The following ST3GAL5 variants were observed in gnomAD, a reference collection of about 807,000 sequenced individuals.
ST3GAL5 encodes ST3 beta-galactoside alpha-2,3-sialyltransferase 5.
Under a neutral mutation model 46.1 loss-of-function variants are expected in ST3GAL5, and 25 were observed. The observed-to-expected ratio is 0.54, with a 90% CI of 0.40 to 0.76. ST3GAL5 has a LOEUF of 0.76. ST3GAL5 is among the 30% of genes least tolerant of loss of function. ST3GAL5 has a pLI of 0.00. For synonymous variants in ST3GAL5, 182 were observed against 192.7 expected (o/e 0.94, Z 0.46); for missense variants, 431 against 521.2 (o/e 0.83, Z 1.69).
chr2:85,874,844 A>G (rs1436047441), intron 1 of ST3GAL5, among the ~76,000 whole-genome samples: 1 of 151,492 alleles, frequency 6.6e-6, no homozygotes, highest in Non-Finnish European at 1.5e-5. Context: ...CACGGTCCTA[A>G]CAAGAGACCA....
chr2:85,869,890 G>C (rs879672210), intron 1 of ST3GAL5, among the ~76,000 whole-genome samples: 1 of 152,174 alleles, frequency 6.6e-6, no homozygotes, highest in Non-Finnish European at 1.5e-5. Context: ...TTCAGCTAGA[G>C]ACACAGGGTG....
intron 1 of ST3GAL5, among the ~76,000 whole-genome samples, chr2:85,883,822 A>T (rs1687463013): frequency 1.3e-5 from 2 of 152,200 alleles, no homozygotes; most frequent in Non-Finnish European, 2.9e-5. Flanking sequence ...ACCTCTCTCG[A>T]GGCTGGACTG....
chr2:85,840,060 T>C lies in ST3GAL5; in HGVS notation c.*84A>G. 1.9e-6 allele frequency: 3 copies of C among 1,602,278 alleles called. No individual in the cohort carries two copies. Among genetic ancestry groups the C allele is most frequent in the Non-Finnish European group, 2.6e-6 (3 of 1,171,028 alleles). On this transcript the variant is annotated 3_prime_UTR_variant, in exon 7 of 7. Transcript: ENST00000638572. ...AACATGAGCTGCACTTCAAAGTATC[T>C]GCAGGATGGAGAAATACATCAAGAA...
intron 2 of ST3GAL5, 62 bp downstream of exon 2, chr2:85,863,300 C>T: frequency 6.2e-7 from 1 of 1,611,496 alleles, no homozygotes; most frequent in Non-Finnish European, 8.5e-7. Context: ...CTGAATTTTT[C>T]TCCTAGTTCT....
At chr2:85,847,776 C>A in intron 4 of ST3GAL5, 85 bp downstream of exon 4, 1 of 1,515,350 alleles carries the variant, frequency 6.6e-7, no homozygotes. Context: ...GCCTGGACAA[C>A]AGGAGTGAGA....
rs1168995315 is a variant in ST3GAL5, at chr2:85,874,537, G to C, written c.83-11052C>G. Among the ~76,000 whole-genome samples, 3 of 151,900 alleles carry C rather than the reference G, an allele frequency of 2.0e-5. No homozygotes were observed. The East Asian group carries it at 5.8e-4, about 29-fold the overall frequency. On this transcript the variant is annotated intron_variant, in intron 1 of 6. Coordinates refer to ENST00000638572, the MANE Select transcript of ST3GAL5 (RefSeq NM_003896.4). The stretch of plus-strand genomic sequence containing the variant: ...TCTCCGTTCTGGTTTTCATTCAAAA[G>C]TTGCCTTCCTTGACCACCCTCTGTA...
At chr2:85,870,698 C>T (rs1481669303) in intron 1 of ST3GAL5, among the ~76,000 whole-genome samples, 3 of 144,502 alleles carry the variant, frequency 2.1e-5, no homozygotes, top group Admixed American at 6.9e-5. Context: ...TTTTTTGAGA[C>T]GGAGTTTCGC....
chr2:85,886,391 C>T (rs1518991), intron 1 of ST3GAL5, among the ~76,000 whole-genome samples: 74,172 of 151,956 alleles, frequency 0.49, 18,825 homozygotes, highest in East Asian at 0.73. Context: ...GGGGAGGCCG[C>T]GACTGGAGTA....
intron 3 of ST3GAL5, among the ~76,000 whole-genome samples, chr2:85,859,087 T>C (rs776363150): frequency 1.3e-5 from 2 of 152,140 alleles, no homozygotes; most frequent in Non-Finnish European, 2.9e-5. Flanking sequence ...AACTACTAAG[T>C]TGATTTCCCC....
intron 3 of ST3GAL5, chr2:85,853,944 C>T (rs576717303): frequency 6.6e-6 from 1 of 152,082 alleles, no homozygotes; most frequent in Non-Finnish European, 1.5e-5. Context: ...TGTTAAAAAC[C>T]TACTTAAAAA....
chr2:85,888,685 G>C (rs544036585), intron 1 of ST3GAL5, 139 bp downstream of exon 1: 1 of 588,862 alleles, frequency 1.7e-6, no homozygotes, highest in South Asian at 8.3e-5. Context: ...GCTCGCCTGA[G>C]GGTGTCGTGC....
chr2:85,877,218 A>T (rs1345070170), intron 1 of ST3GAL5, among the ~76,000 whole-genome samples: 1 of 152,236 alleles, frequency 6.6e-6, no homozygotes, highest in Non-Finnish European at 1.5e-5. Flanking sequence ...TGTTACCTAA[A>T]TACCTTATAT....
At chr2:85,846,695 A>C in intron 4 of ST3GAL5, 132 bp from the exon 5 acceptor site, 1 of 807,852 alleles carries the variant, frequency 1.2e-6, no homozygotes, top group Non-Finnish European at 2.0e-6. Context: ...TTGCAGCCTC[A>C]TCTCCCCTCC....
At chr2:85,873,708 G>A (rs924402351) in intron 1 of ST3GAL5, among the ~76,000 whole-genome samples, 1 of 152,140 alleles carries the variant, frequency 6.6e-6, no homozygotes, top group Non-Finnish European at 1.5e-5. Flanking sequence ...CTGCCAGGTC[G>A]GTAAATCCCA....
chr2:85,864,107 A>G (rs1438771798), intron 1 of ST3GAL5, among the ~76,000 whole-genome samples: 1 of 152,178 alleles, frequency 6.6e-6, no homozygotes, highest in East Asian at 1.9e-4. Context: ...ATATGGCTAT[A>G]AAAGGGCAAC....
intron 3 of ST3GAL5, among the ~76,000 whole-genome samples, chr2:85,852,573 G>C (rs6547634): frequency 0.34 from 51,542 of 151,134 alleles, 10,085 homozygotes; most frequent in Admixed American, 0.5. Flanking sequence ...CTGGGGTGGG[G>C]TTGAGGGTGG....
chr2:85,857,097 A>AAAAAAAAAAAAAAAT (rs1558669884), intron 3 of ST3GAL5, among the ~76,000 whole-genome samples: 1 of 132,290 alleles, frequency 7.6e-6, no homozygotes, highest in African/African-American at 2.7e-5. Context: ...AAAAAAAAAA[A>AAAAAAAAAAAAAAAT]TAGGCACGTA....
intron 3 of ST3GAL5, chr2:85,851,747 C>G: frequency 1.1e-5 from 14 of 1,287,828 alleles, no homozygotes; most frequent in Non-Finnish European, 1.3e-5. Flanking sequence ...TGTGAGGACT[C>G]CAGAGCTCCC....
chr2:85,863,592 T>C, intron 1 of ST3GAL5, 107 bp from the exon 2 acceptor site: 2 of 1,230,702 alleles, frequency 1.6e-6, no homozygotes, highest in Non-Finnish European at 2.4e-6. Context: ...TACCATGGAA[T>C]AGTAACTGGC....
Sources: allele counts gnomAD v4.1 joint callset (sites outside exome capture counted in the v4.1 genomes callset), GRCh38; gene constraint gnomAD v4.1.1; transcripts MANE v1.5; gene names NCBI Gene and HGNC (gene_info 2026-07-23, HGNC 2026-07-21).